Variants in ABHD18 observed in about 807,000 individuals in gnomAD.
ABHD18 encodes abhydrolase domain containing 18, also known as cardiolipin-specific deacylase, mitochondrial.
ABHD18 carries 55 observed loss-of-function variants against 65.9 expected under a neutral mutation model. The observed-to-expected ratio is 0.84, with a 90% CI of 0.67 to 1.05. ABHD18 has a LOEUF of 1.05. ABHD18 is among the 50% of genes least tolerant of loss of function. ABHD18 has a pLI of 0.00. For synonymous variants in ABHD18, 181 were observed against 180.2 expected, an observed-to-expected ratio of 1.00 and a Z score of -0.04; for missense variants, 533 against 558.5, an observed-to-expected ratio of 0.95 and a Z score of 0.46.
At chr4:127,976,816 C>T (rs899308130) in intron 1 of ABHD18, among the ~76,000 whole-genome samples, 3 of 151,988 alleles carry the variant, frequency 2.0e-5, no homozygotes, top group African/African-American at 4.8e-5. Flanking sequence ...CCAAGGCGGG[C>T]GGATCACAAG....
chr4:127,978,519 TGGTAGAA>T (rs1748401089), intron 1 of ABHD18, among the ~76,000 whole-genome samples: 1 of 152,162 alleles, frequency 6.6e-6, no homozygotes, highest in Admixed American at 6.5e-5. Context: ...ATTAATGGAA[TGGTAGAA>T]GCTTTTTGGT....
chr4:128,009,419 C>A, intron 6 of ABHD18: 1 of 320,090 alleles, frequency 3.1e-6, no homozygotes, highest in African/African-American at 2.1e-5. Flanking sequence ...ATTGTACTTC[C>A]ATTTCTTGGG....
rs536294303 is a variant in ABHD18 at position 127,975,547 on chromosome 4, T to C, written c.-17-7392T>C. ...GTGTTTGTGGTTGTTTGTATGTACA[T>C]ACTTTGCTTATCCATTCATCTGCCA... On this transcript the variant is annotated intron_variant, in intron 1 of 12. Transcript: ENST00000645843. Among the ~76,000 whole-genome samples, 3 of 152,346 alleles carry C rather than the reference T, an allele frequency of 2.0e-5. No individual in the cohort carries two copies. In the East Asian group the frequency reaches 5.8e-4, roughly 29 times the overall value.
intron 1 of ABHD18, among the ~76,000 whole-genome samples, chr4:127,976,296 A>G (rs1025249377): frequency 3.3e-5 from 5 of 152,140 alleles, no homozygotes; most frequent in Non-Finnish European, 5.9e-5. Flanking sequence ...TTACAGGTGA[A>G]CATTTGTACC....
chr4:128,031,865 A>C (rs922753936), intron 12 of ABHD18, among the ~76,000 whole-genome samples: 2 of 152,208 alleles, frequency 1.3e-5, no homozygotes, highest in African/African-American at 4.8e-5. Flanking sequence ...TTGGTGAGTG[A>C]GCAGACTATC....
chr4:128,009,453 TAGTA>T (rs1249624353), intron 6 of ABHD18: 5 of 257,490 alleles, frequency 1.9e-5, no homozygotes, highest in African/African-American at 4.4e-5. Context: ...ATTTTAATAT[TAGTA>T]AGTCAAATGT....
In ABHD18 at chr4:128,028,681, G is replaced by C. The variant is rs1305812471; in HGVS notation, c.1008G>C (p.Lys336Asn). 1 of 1,613,734 alleles carries C rather than the reference G, an allele frequency of 6.2e-7. No homozygotes were observed. Among genetic ancestry groups the C allele is most frequent in the Non-Finnish European group, 8.5e-7 (1 of 1,179,870 alleles). Reference protein sequence around the residue: ...SEGLLLQDTSKMKRFNQTLST... With the variant: ...SEGLLLQDTSNMKRFNQTLST... ...GACTCTTATTGCAAGATACCTCTAAGATGAAGCGCTTCAATCAAACACTTT... is the reference window on the plus strand; with the variant it reads ...GACTCTTATTGCAAGATACCTCTAACATGAAGCGCTTCAATCAAACACTTT... Residue 336 changes from lysine to asparagine, a missense_variant, in exon 11 of 13, where the codon AAG (lysine) becomes AAC (asparagine). Around this residue, in one of 3 missense-constraint regions of ABHD18, gnomAD observed 220 missense variants for 226.8 expected, o/e 0.97. Coordinates refer to ENST00000645843, the MANE Select transcript of ABHD18 (RefSeq NM_001358451.3).
intron 4 of ABHD18, among the ~76,000 whole-genome samples, chr4:128,003,490 T>C (rs1753041778): frequency 6.6e-6 from 1 of 150,716 alleles, no homozygotes; most frequent in East Asian, 1.9e-4. Flanking sequence ...TAAAATAGAA[T>C]GAAAAACACC....
rs140311743 is a variant in ABHD18 at position 128,016,578 on chromosome 4, C to A, written c.471-785C>A. Among the ~76,000 whole-genome samples, 781 of 151,610 alleles carry A rather than the reference C, an allele frequency of 5.2e-3. 8 individuals carry two copies. The highest frequency in any genetic ancestry group is 0.018 in the African/African-American group (753 of 41,390). On this transcript the variant is annotated intron_variant, in intron 7 of 12. Transcript: ENST00000645843. ...TCACTTGAGCTCAGGAGTTCAAGAC[C>A]AGTCTGGCCAACATGGTGAAACCCC...
At chr4:128,002,199 C>T (rs376763245) in intron 4 of ABHD18, among the ~76,000 whole-genome samples, 137 of 151,896 alleles carry the variant, frequency 9.0e-4, no homozygotes, top group African/African-American at 3.3e-3. Context: ...CACTTGAACC[C>T]GGGAGATGGA....
chr4:128,025,988 A>G (rs1757287214), intron 10 of ABHD18, among the ~76,000 whole-genome samples: 1 of 152,040 alleles, frequency 6.6e-6, no homozygotes. Context: ...CCCCGTCTCT[A>G]TTAAGAATAT....
rs1334605600 is a variant in ABHD18, at chr4:128,037,826, C to T, written c.*2013C>T. On this transcript the variant is annotated 3_prime_UTR_variant, in exon 13 of 13. Transcript: ENST00000645843. ...AAATATTTAAAGTTTTATGTAATAG[C>T]TATTAACTCTCTTAAATGGGGTTTA... The T allele has an allele frequency of 1.3e-5, 2 of 152,018 alleles. No homozygotes were observed. The highest frequency in any genetic ancestry group is 4.8e-5 in the African/African-American group (2 of 41,404). The allele number at this position is 152,018 out of a possible 1,614,324, so 9.4% of individuals were successfully genotyped here.
intron 6 of ABHD18, among the ~76,000 whole-genome samples, chr4:128,011,234 GC>G (rs1258639397): frequency 1.3e-5 from 2 of 149,494 alleles, no homozygotes; most frequent in African/African-American, 4.9e-5. Flanking sequence ...TGCAGGCTCC[GC>G]CCCCCAGGGT....
chr4:127,993,558 A>G (rs1751273425), intron 4 of ABHD18, among the ~76,000 whole-genome samples: 1 of 152,210 alleles, frequency 6.6e-6, no homozygotes, highest in African/African-American at 2.4e-5. Context: ...GCATTAAAAC[A>G]TTAGAAAATG....
At chr4:128,014,796 T>C (rs79477129) in intron 7 of ABHD18, among the ~76,000 whole-genome samples, 1 of 148,834 alleles carries the variant, frequency 6.7e-6, no homozygotes, top group African/African-American at 2.5e-5. Context: ...AAAAAAAAAA[T>C]GGCCAGGTGC....
At chr4:127,998,885 G>A (rs1047767631) in intron 4 of ABHD18, among the ~76,000 whole-genome samples, 2 of 152,016 alleles carry the variant, frequency 1.3e-5, no homozygotes, top group African/African-American at 4.8e-5. Flanking sequence ...TACGTACTTA[G>A]GAACTTTAAA....
intron 12 of ABHD18, 61 bp from the exon 13 acceptor site, chr4:128,035,701 G>A (rs1256865645): frequency 1.1e-6 from 1 of 944,814 alleles, no homozygotes; most frequent in Non-Finnish European, 1.6e-6. Context: ...TACAGTAAAG[G>A]CATTGTTTGT....
At chr4:127,973,395 C>G (rs1446781284) in intron 1 of ABHD18, among the ~76,000 whole-genome samples, 2 of 151,860 alleles carry the variant, frequency 1.3e-5, no homozygotes, top group East Asian at 3.8e-4. Context: ...TTTTTTCCCC[C>G]TTACTGGTAG....
At chr4:127,966,586 C>G (rs1745458538) in intron 1 of ABHD18, among the ~76,000 whole-genome samples, 1 of 151,244 alleles carries the variant, frequency 6.6e-6, no homozygotes, top group African/African-American at 2.4e-5. Context: ...GGTCTGGGTG[C>G]GATGGTTCAT....
Sources: gnomAD v4.1 joint callset for allele counts (sites outside exome capture counted in the v4.1 genomes callset) on GRCh38, gnomAD v4.1.1 for gene constraint, gnomAD v4.1.1 regional missense constraint, MANE v1.5 for transcripts, NCBI Gene and HGNC (gene_info 2026-07-23, HGNC 2026-07-21) for gene names.